The following ADGRL2 variants were observed in gnomAD, a reference collection of about 807,000 sequenced individuals.
ADGRL2 encodes the protein calcium-independent alpha-latrotoxin receptor 2.
A neutral mutation model predicts 157.4 loss-of-function variants in ADGRL2; 44 were observed. The ratio of observed to expected loss-of-function variants is 0.28; its 90% confidence interval spans 0.22 to 0.36. The LOEUF (loss-of-function observed/expected upper bound fraction) is 0.36, where lower values mean the gene tolerates loss of function less well. Among genes scored for constraint, ADGRL2 ranks in the 10% least tolerant of loss-of-function variants. ADGRL2 has a pLI of 1.00. For synonymous variants in ADGRL2, 585 were observed against 624.7 expected (o/e 0.94, Z 0.95); for missense variants, 1,510 against 1,768.9 (o/e 0.85, Z 2.63).
intron 2 of ADGRL2, among the ~76,000 whole-genome samples, chr1:81,896,561 C>CA (rs2094392962): frequency 6.6e-6 from 1 of 151,992 alleles, no homozygotes; most frequent in South Asian, 2.1e-4. Flanking sequence ...TTTATAAACT[C>CA]AAAACTTTAA....
chr1:81,582,680 C>A (rs1228728051), intron 3 of ADGRL2, among the ~76,000 whole-genome samples: 5 of 152,032 alleles, frequency 3.3e-5, no homozygotes, highest in Non-Finnish European at 2.9e-5. Flanking sequence ...GACCAATTTG[C>A]CAATGATGTC....
chr1:81,907,532 A>G (rs1471397921), intron 3 of ADGRL2, among the ~76,000 whole-genome samples: 1 of 152,232 alleles, frequency 6.6e-6, no homozygotes, highest in Non-Finnish European at 1.5e-5. Context: ...TAAGGCTTCG[A>G]AAATTTGAAA....
intron 2 of ADGRL2, among the ~76,000 whole-genome samples, chr1:81,887,681 C>T (rs1045762087): frequency 4.6e-5 from 7 of 152,088 alleles, no homozygotes; most frequent in Non-Finnish European, 1.0e-4. Flanking sequence ...AGCATTATAT[C>T]ATTATGTTAT....
chr1:81,313,943 T>G (rs1659932760), intron 1 of ADGRL2, among the ~76,000 whole-genome samples: 2 of 152,192 alleles, frequency 1.3e-5, no homozygotes, highest in East Asian at 1.9e-4. Flanking sequence ...CCCCAATCCA[T>G]TATAAGTATA....
chr1:81,338,372 A>AACAAAAC (rs1553154797), intron 1 of ADGRL2, among the ~76,000 whole-genome samples: 4 of 150,974 alleles, frequency 2.6e-5, no homozygotes, highest in Admixed American at 6.6e-5. Context: ...CAAAAAACAA[A>AACAAAAC]ACAAAACAAA....
intron 1 of ADGRL2, chr1:81,427,673 G>T: frequency 2.0e-6 from 1 of 494,290 alleles, no homozygotes; most frequent in Non-Finnish European, 3.7e-6. Flanking sequence ...TAGGAAAGCT[G>T]GAGGTTACTT....
chr1:81,558,589 C>T (rs2080368054), intron 2 of ADGRL2, among the ~76,000 whole-genome samples: 1 of 151,966 alleles, frequency 6.6e-6, no homozygotes, highest in Non-Finnish European at 1.5e-5. Flanking sequence ...CTTTCAGCTC[C>T]AGATATTTGC....
chr1:81,496,668 GGA>G (rs1491169702), intron 2 of ADGRL2, among the ~76,000 whole-genome samples: 8 of 121,648 alleles, frequency 6.6e-5, no homozygotes, highest in Admixed American at 6.6e-4. Flanking sequence ...AAGCTGTTGA[GGA>G]AAAAAAAAAA....
intron 2 of ADGRL2, among the ~76,000 whole-genome samples, chr1:81,865,192 A>G (rs1292742455): frequency 1.3e-5 from 2 of 152,152 alleles, no homozygotes; most frequent in Non-Finnish European, 2.9e-5. Context: ...CAAAGCTGTA[A>G]CCTTATTTTG....
intron 1 of ADGRL2, among the ~76,000 whole-genome samples, chr1:81,336,136 C>CATA: frequency 6.6e-6 from 1 of 152,178 alleles, no homozygotes; most frequent in South Asian, 2.1e-4. Context: ...GTGGCCTTGT[C>CATA]GGAGATTCTC....
chr1:81,581,872 G>GTGCA (rs1553127027), intron 3 of ADGRL2, among the ~76,000 whole-genome samples: 2 of 85,286 alleles, frequency 2.3e-5, no homozygotes, highest in African/African-American at 4.3e-5. Context: ...ACACACATGC[G>GTGCA]CGCACACACA....
intron 3 of ADGRL2, among the ~76,000 whole-genome samples, chr1:81,912,463 GTAAA>G (rs1240602277): frequency 6.6e-6 from 1 of 152,154 alleles, no homozygotes; most frequent in African/African-American, 2.4e-5. Flanking sequence ...TGGGTGGCAT[GTAAA>G]TAAATAGTGC....
chr1:81,543,089 T>C (rs1258279641), intron 2 of ADGRL2, among the ~76,000 whole-genome samples: 3 of 152,138 alleles, frequency 2.0e-5, no homozygotes, highest in African/African-American at 7.2e-5. Flanking sequence ...AGATAAGTTA[T>C]CTAGCATGTA....
At chr1:81,668,698 G>A (rs1048235656) in intron 3 of ADGRL2, among the ~76,000 whole-genome samples, 6 of 151,764 alleles carry the variant, frequency 4.0e-5, no homozygotes, top group Non-Finnish European at 5.9e-5. Flanking sequence ...GAGTAGCTGG[G>A]ATTACAGGCA....
chr1:81,835,660 G>A (rs942006249), intron 1 of ADGRL2, among the ~76,000 whole-genome samples: 1 of 152,024 alleles, frequency 6.6e-6, no homozygotes, highest in Non-Finnish European at 1.5e-5. Flanking sequence ...AAGCATCTGA[G>A]GTGTTCTTAA....
chr1:81,968,263 A>G (rs563298054), intron 14 of ADGRL2, 64 bp downstream of exon 14: 5 of 1,371,752 alleles, frequency 3.6e-6, no homozygotes, highest in Admixed American at 4.1e-5. Context: ...CAGCTTGTAT[A>G]ATAGTCCCAT....
intron 3 of ADGRL2, among the ~76,000 whole-genome samples, chr1:81,612,425 A>T (rs2081560414): frequency 6.6e-6 from 1 of 152,238 alleles, no homozygotes; most frequent in African/African-American, 2.4e-5. Context: ...CCAAGATAAG[A>T]GGTGCCGACA....
At chr1:81,843,222 T>C (rs913231653) in intron 2 of ADGRL2, among the ~76,000 whole-genome samples, 2 of 152,130 alleles carry the variant, frequency 1.3e-5, no homozygotes, top group Admixed American at 6.6e-5. Context: ...AACCTCGGCC[T>C]CCTGGGTTCA....
At chr1:81,441,529 T>G (rs2077507197) in intron 1 of ADGRL2, among the ~76,000 whole-genome samples, 1 of 152,176 alleles carries the variant, frequency 6.6e-6, no homozygotes, top group Non-Finnish European at 1.5e-5. Context: ...TTTTGGGTTT[T>G]TTTGTTTGTT....
Sources: gnomAD v4.1 joint callset for allele counts (sites outside exome capture counted in the v4.1 genomes callset) on GRCh38, gnomAD v4.1.1 for gene constraint, MANE v1.5 for transcripts, NCBI Gene and HGNC (gene_info 2026-07-23, HGNC 2026-07-21) for gene names.